The following SLC39A11 variants were observed in gnomAD, a reference collection of about 807,000 sequenced individuals.
SLC39A11 encodes the protein solute carrier family 39 member 11.
SLC39A11 carries 33 observed loss-of-function variants against 36.1 expected under a neutral mutation model. The ratio of observed to expected loss-of-function variants is 0.91; its 90% CI spans 0.69 to 1.22. SLC39A11 has a LOEUF of 1.22. Among genes scored for constraint, SLC39A11 ranks in the 50% most tolerant of loss-of-function variants. The pLI, the probability that SLC39A11 is intolerant of heterozygous loss-of-function variation, is 0.00. For synonymous variants in SLC39A11, 166 were observed against 170.3 expected (o/e 0.97, Z 0.20); for missense variants, 432 against 430.3 (o/e 1.00, Z -0.03).
At chr17:72,814,627 G>A (rs1188186616) in intron 6 of SLC39A11, among the ~76,000 whole-genome samples, 1 of 152,216 alleles carries the variant, frequency 6.6e-6, no homozygotes, top group African/African-American at 2.4e-5. Context: ...AAGGGCCAAG[G>A]TGACATTTTA....
intron 4 of SLC39A11, among the ~76,000 whole-genome samples, chr17:73,004,232 A>AAAGAAAGAAAAGAAAAGAAAAG: frequency 7.9e-5 from 7 of 88,642 alleles, no homozygotes; most frequent in Non-Finnish European, 1.7e-4. Context: ...AGAAAGAAAG[A>AAAGAAAGAAAAGAAAAGAAAAG]AAAGAAAGAA....
chr17:72,843,927 T>C (rs1359106204), intron 6 of SLC39A11, among the ~76,000 whole-genome samples: 3 of 152,158 alleles, frequency 2.0e-5, no homozygotes, highest in South Asian at 2.1e-4. Context: ...TAGGCTACTA[T>C]TAACAAGCCT....
At chr17:72,809,404 C>T (rs1028034393) in intron 6 of SLC39A11, among the ~76,000 whole-genome samples, 1 of 152,126 alleles carries the variant, frequency 6.6e-6, no homozygotes, top group South Asian at 2.1e-4. Flanking sequence ...CACAACCAAC[C>T]ATCCTGTTTG....
chr17:72,923,684 G>A (rs149110653), intron 5 of SLC39A11, among the ~76,000 whole-genome samples: 228 of 152,256 alleles, frequency 1.5e-3, no homozygotes, highest in African/African-American at 5.3e-3. Context: ...TTGCTAGGGG[G>A]ATTTGGTTAC....
chr17:72,711,041 C>T (rs570889267), intron 7 of SLC39A11, among the ~76,000 whole-genome samples: 1 of 152,332 alleles, frequency 6.6e-6, no homozygotes, highest in African/African-American at 2.4e-5. Context: ...AACCTTCATA[C>T]AGCATGCAAG....
intron 4 of SLC39A11, among the ~76,000 whole-genome samples, chr17:72,948,123 C>T (rs895630182): frequency 6.6e-5 from 10 of 152,138 alleles, no homozygotes; most frequent in African/African-American, 2.2e-4. Context: ...CAGTGCTGAT[C>T]CTAAAAATGG....
rs1269558902 is a variant in SLC39A11, at chr17:72,662,417, GAA to G, written c.672-13151_672-13150del. Among the ~76,000 whole-genome samples, 3 of 104,900 alleles carry G rather than the reference GAA, an allele frequency of 2.9e-5. No homozygotes were observed. In the East Asian group the frequency reaches 7.7e-4, roughly 27 times the overall value. 68.8% of individuals were successfully genotyped at this position (104,900 alleles called of 152,430 possible). A position where few individuals can be genotyped will look rare whatever the true frequency, so the allele number is the denominator to read the frequency against. On this transcript the variant is annotated intron_variant, in intron 7 of 9. Coordinates refer to ENST00000255559, the MANE Select transcript of SLC39A11 (RefSeq NM_139177.4). ...GAAAGAAGGAGGGAAGAAAGAAAAA[GAA>G]AGAGAAAGAAAGAAAAAGAAAGAAA...
At chr17:72,937,351 A>G (rs1254849369) in intron 5 of SLC39A11, among the ~76,000 whole-genome samples, 1 of 152,136 alleles carries the variant, frequency 6.6e-6, no homozygotes. Flanking sequence ...GCTACTCCGG[A>G]GACTGAGGCA....
At chr17:72,896,825 C>A (rs552221634) in intron 5 of SLC39A11, among the ~76,000 whole-genome samples, 1 of 151,630 alleles carries the variant, frequency 6.6e-6, no homozygotes, top group Non-Finnish European at 1.5e-5. Context: ...CCGAGTCAGG[C>A]GGATCACCTG....
chr17:73,054,098 C>T (rs2059591498), intron 3 of SLC39A11, among the ~76,000 whole-genome samples: 1 of 152,192 alleles, frequency 6.6e-6, no homozygotes, highest in Non-Finnish European at 1.5e-5. Context: ...GGTGTGGTGG[C>T]TCATGCCTGT....
At chr17:72,867,651 G>C (rs1229774808) in intron 5 of SLC39A11, among the ~76,000 whole-genome samples, 1 of 151,934 alleles carries the variant, frequency 6.6e-6, no homozygotes, top group Admixed American at 6.6e-5. Context: ...GAAAATGCAT[G>C]GTAAATAAAA....
At chr17:72,976,667 G>A (rs1013960625) in intron 4 of SLC39A11, among the ~76,000 whole-genome samples, 16 of 152,172 alleles carry the variant, frequency 1.1e-4, no homozygotes, top group Admixed American at 4.6e-4. Flanking sequence ...AGGCCAACAT[G>A]GTGAAACCCC....
intron 4 of SLC39A11, among the ~76,000 whole-genome samples, chr17:73,026,780 C>T (rs900304710): frequency 6.6e-6 from 1 of 151,988 alleles, no homozygotes; most frequent in Non-Finnish European, 1.5e-5. Flanking sequence ...CTCCTCCCCA[C>T]CCTACCCATC....
intron 6 of SLC39A11, among the ~76,000 whole-genome samples, chr17:72,828,916 T>C (rs2078147287): frequency 6.6e-6 from 1 of 152,174 alleles, no homozygotes; most frequent in Non-Finnish European, 1.5e-5. Context: ...CTGGGGGTTG[T>C]GTGTGGGGAG....
chr17:73,067,391 T>C (rs533889873), intron 3 of SLC39A11, among the ~76,000 whole-genome samples: 1 of 152,252 alleles, frequency 6.6e-6, no homozygotes, highest in South Asian at 2.1e-4. Flanking sequence ...GCAACTACCT[T>C]GGGTCAGAAA....
intron 6 of SLC39A11, among the ~76,000 whole-genome samples, chr17:72,773,679 C>CACACACACACACACACACACACACA (rs57105900): frequency 1.4e-4 from 21 of 145,834 alleles, no homozygotes; most frequent in African/African-American, 5.1e-4. Flanking sequence ...ACACACACAC[C>CACACACACACACACACACACACACA]CAGTATATAA....
At chr17:73,088,306 A>G (rs1207816354) in intron 2 of SLC39A11, among the ~76,000 whole-genome samples, 1 of 148,228 alleles carries the variant, frequency 6.7e-6, no homozygotes, top group African/African-American at 2.6e-5. Context: ...AAAAAAAAAG[A>G]AAAAAGAAAA....
chr17:72,789,357 TAGC>T (rs1404037353), intron 6 of SLC39A11, among the ~76,000 whole-genome samples: 3 of 152,174 alleles, frequency 2.0e-5, no homozygotes, highest in Non-Finnish European at 2.9e-5. Flanking sequence ...TTTGTTAACT[TAGC>T]ACATGCACTG....
At chr17:72,970,037 C>G (rs1159664263) in intron 4 of SLC39A11, among the ~76,000 whole-genome samples, 1 of 152,214 alleles carries the variant, frequency 6.6e-6, no homozygotes, top group African/African-American at 2.4e-5. Flanking sequence ...AGATGCTTCC[C>G]AGCATCCCCA....
Sources: allele counts gnomAD v4.1 joint callset (sites outside exome capture counted in the v4.1 genomes callset), GRCh38; gene constraint gnomAD v4.1.1; transcripts MANE v1.5; gene names NCBI Gene and HGNC (gene_info 2026-07-23, HGNC 2026-07-21).